Variants in PFN2 observed in about 807,000 individuals in gnomAD.
PFN2 encodes profilin 2, also known as profilin-2.
In PFN2, 8 loss-of-function variants were observed where a neutral mutation model predicts 15.3. The observed-to-expected ratio is 0.52, with a 90% CI of 0.31 to 0.95. PFN2 has a LOEUF of 0.95. Ranked by LOEUF, PFN2 falls within the 40% of genes least tolerant of loss-of-function variation. PFN2 has a pLI of 0.05. For synonymous variants in PFN2, 79 were observed against 67.9 expected, an observed-to-expected ratio of 1.16 and a Z score of -0.81; for missense variants, 111 against 182.3, an observed-to-expected ratio of 0.61 and a Z score of 2.25.
At chr3:149,969,126 T>C (rs1417979192) in intron 1 of PFN2, among the ~76,000 whole-genome samples, 1 of 152,192 alleles carries the variant, frequency 6.6e-6, no homozygotes, top group Non-Finnish European at 1.5e-5. Flanking sequence ...AAATTCATAT[T>C]TCCCTCCTAT....
rs988542063 is a variant in PFN2 at position 149,965,794 on chromosome 3, G to A, written c.*695C>T. ...ATGCGCTACAAAAGGAAGACTAAAT[G>A]AGCCAAGTAAATGCTCAAAGTGCTG... is the stretch of plus-strand genomic sequence containing the variant. On this transcript the variant is annotated 3_prime_UTR_variant, in exon 3 of 3. Coordinates refer to ENST00000239940, the MANE Select transcript of PFN2 (RefSeq NM_053024.4). The A allele has an allele frequency of 6.6e-6, 7 of 1,062,526 alleles. No homozygotes were observed. The highest frequency in any genetic ancestry group is 6.8e-6 in the Non-Finnish European group (6 of 879,212). 65.8% of individuals were successfully genotyped at this position (1,062,526 alleles called of 1,614,324 possible).
chr3:149,968,088 A>C (rs1367172143), intron 2 of PFN2: 1 of 348,098 alleles, frequency 2.9e-6, no homozygotes, highest in African/African-American at 2.1e-5. Flanking sequence ...TGACATGTCA[A>C]GCAGTTTAAG....
intron 2 of PFN2, among the ~76,000 whole-genome samples, chr3:149,967,338 G>A (rs1361720872): frequency 6.6e-6 from 1 of 152,100 alleles, no homozygotes; most frequent in Non-Finnish European, 1.5e-5. Flanking sequence ...TGTGTTTGAC[G>A]CTTCTTTTCA....
Position 149,970,864 on chromosome 3 carries a change from C to A in PFN2, c.-8G>T. 1 of 1,440,982 alleles carries A rather than the reference C, an allele frequency of 6.9e-7. No individual in the cohort carries two copies. Among genetic ancestry groups the A allele is most frequent in the Admixed American group, 2.4e-5 (1 of 41,350 alleles). The allele number at this position is 1,440,982 out of a possible 1,614,324, so 89.3% of individuals were successfully genotyped here. A position where few individuals can be genotyped will look rare whatever the true frequency, so the allele number is the denominator to read the frequency against. ...GCTCTGCCAACCGGCCATCTTCGAG[C>A]CCTTCGCACTGCAGCGCGGACGGCG... On this transcript the variant is annotated 5_prime_UTR_variant, in exon 1 of 3. Transcript: ENST00000239940.
Position 149,967,697 on chromosome 3 carries a change from G to A in PFN2, c.325+661C>T, listed in dbSNP as rs539839661. On this transcript the variant is annotated intron_variant, in intron 2 of 2. Transcript: ENST00000239940. ...CAAAAGTTTATTTTGAAAAAGTAGG[G>A]AGACTTCTTTAGTGCAATTAAGAGT... Among the ~76,000 whole-genome samples the A allele has an allele frequency of 3.9e-5, 6 of 152,280 alleles. No homozygotes were observed. In the East Asian group the frequency reaches 9.6e-4, roughly 24 times the overall value.
intron 2 of PFN2, among the ~76,000 whole-genome samples, chr3:149,967,550 T>C (rs1030729596): frequency 1.3e-5 from 2 of 152,238 alleles, no homozygotes; most frequent in African/African-American, 2.4e-5. Flanking sequence ...TTATTAAAAT[T>C]AGATGTGCCA....
At position 149,965,961 on chromosome 3, in the gene PFN2, A is replaced by C. The variant is rs1395968898; in HGVS notation, c.*528T>G. On this transcript the variant is annotated 3_prime_UTR_variant, in exon 3 of 3. Transcript: ENST00000239940. ...CCCCCCAATTTCAAGGTATCATGCA[A>C]ATCATTATTGTGCTGCAATTATGTT... The C allele has an allele frequency of 7.3e-7, 1 of 1,363,852 alleles. No homozygotes were observed. Among genetic ancestry groups the C allele is most frequent in the Admixed American group, 3.5e-5 (1 of 28,438 alleles). 84.5% of individuals were successfully genotyped at this position (1,363,852 alleles called of 1,614,324 possible).
At chr3:149,968,057 AAAC>A in intron 2 of PFN2, 1 of 274,366 alleles carries the variant, frequency 3.6e-6, no homozygotes, top group Non-Finnish European at 6.8e-6. Context: ...TAACAATCTG[AAAC>A]ACCACAGGAT....
chr3:149,968,242 C>G, intron 2 of PFN2, 116 bp downstream of exon 2: 2 of 901,612 alleles, frequency 2.2e-6, no homozygotes, highest in Non-Finnish European at 3.5e-6. Flanking sequence ...CTGGGCAGTT[C>G]ACAAAAACCA....
intron 1 of PFN2, among the ~76,000 whole-genome samples, chr3:149,969,442 CG>C (rs1448871638): frequency 1.3e-5 from 2 of 152,164 alleles, no homozygotes; most frequent in Non-Finnish European, 2.9e-5. Context: ...AGTCAGACAG[CG>C]GGAACTCACA....
chr3:149,968,351 TACTC>T lies in PFN2; in HGVS notation c.325+3_325+6del, dbSNP rs759100877. ...TGCAACTTTAACCAAAAGAATGCCTTACTCACCTCTACCAGCTCTGCCGACAGCC... is the reference window on the plus strand; with the variant it reads ...TGCAACTTTAACCAAAAGAATGCCTTACCTCTACCAGCTCTGCCGACAGCC... On this transcript the variant is annotated splice_donor_5th_base_variant and intron_variant, in intron 2 of 2. Coordinates refer to ENST00000239940, the MANE Select transcript of PFN2 (RefSeq NM_053024.4). 1 of 1,612,290 alleles carries T rather than the reference TACTC, an allele frequency of 6.2e-7. No homozygotes were observed. The highest frequency in any genetic ancestry group is 8.5e-7 in the Non-Finnish European group (1 of 1,178,788).
chr3:149,966,662 C>A, intron 2 of PFN2, 76 bp from the exon 3 acceptor site: 2 of 1,081,272 alleles, frequency 1.8e-6, no homozygotes, highest in Non-Finnish European at 1.4e-6. Flanking sequence ...CAGACAGAAC[C>A]CGGATTAATA....
chr3:149,965,195 C>G lies in PFN2; in HGVS notation c.*1294G>C. On this transcript the variant is annotated 3_prime_UTR_variant, in exon 3 of 3. Coordinates refer to ENST00000239940, the MANE Select transcript of PFN2 (RefSeq NM_053024.4). ...TCACAATAGCAACAGTTCATTTTAA[C>G]AATAGTATGGCACAGAATACATATG... is the stretch of plus-strand genomic sequence containing the variant. 6.6e-7 allele frequency: 1 copy of G among 1,509,120 alleles called. No homozygotes were observed. Among genetic ancestry groups the G allele is most frequent in the Middle Eastern group, 1.7e-4 (1 of 5,802 alleles). The allele number at this position is 1,509,120 out of a possible 1,614,324, so 93.5% of individuals were successfully genotyped here.
intron 1 of PFN2, 83 bp downstream of exon 1, chr3:149,970,642 C>A (rs1009762974): frequency 2.9e-6 from 4 of 1,368,560 alleles, no homozygotes; most frequent in African/African-American, 3.0e-5. Context: ...CCTCAGTGTT[C>A]CAGCCCCGCG....
At position 149,965,250 on chromosome 3, in the gene PFN2, C is replaced by A. The variant is rs1559985082; in HGVS notation, c.*1239G>T. On this transcript the variant is annotated 3_prime_UTR_variant, in exon 3 of 3. Transcript: ENST00000239940. ...AAATTCATCACAAGACAGCCAAGTC[C>A]ACAATAATGCAACTTCATATAAAAA... 2 of 1,534,658 alleles carry A rather than the reference C, an allele frequency of 1.3e-6. No individual in the cohort carries two copies. Among genetic ancestry groups the A allele is most frequent in the Non-Finnish European group, 1.7e-6 (2 of 1,146,380 alleles).
At position 149,968,559 on chromosome 3, in the gene PFN2, CACCA is replaced by C; in HGVS notation, c.133-13_133-10del. 6.8e-7 allele frequency: 1 copy of C among 1,478,042 alleles called. No individual in the cohort carries two copies. Among genetic ancestry groups the C allele is most frequent in the Non-Finnish European group, 8.9e-7 (1 of 1,125,452 alleles). The allele number at this position is 1,478,042 out of a possible 1,614,324, so 91.6% of individuals were successfully genotyped here. ...ATATCTATTTCTATTGGCTGCCCCC[CACCA>C]AAAAGAAAAAAAAAAAACACACACA... is the stretch of plus-strand genomic sequence containing the variant. On this transcript the variant is annotated splice_polypyrimidine_tract_variant and intron_variant, in intron 1 of 2. Transcript: ENST00000239940.
rs752203365 is a variant in PFN2, at chr3:149,968,555, C to T, written c.133-5G>A. 6.6e-7 allele frequency: 1 copy of T among 1,511,730 alleles called. No individual in the cohort carries two copies. The highest frequency in any genetic ancestry group is 8.8e-7 in the Non-Finnish European group (1 of 1,141,780). 93.6% of individuals were successfully genotyped at this position (1,511,730 alleles called of 1,614,324 possible). ...AATCATATCTATTTCTATTGGCTGC[C>T]CCCCACCAAAAAGAAAAAAAAAAAA... On this transcript the variant is annotated splice_polypyrimidine_tract_variant and splice_region_variant and intron_variant, in intron 1 of 2. Coordinates refer to ENST00000239940, the MANE Select transcript of PFN2 (RefSeq NM_053024.4).
intron 2 of PFN2, 90 bp from the exon 3 acceptor site, chr3:149,966,676 T>A: frequency 1.0e-6 from 1 of 963,156 alleles, no homozygotes; most frequent in Non-Finnish European, 1.6e-6. Context: ...ATTAATAAGT[T>A]AACATTAAGT....
At chr3:149,970,563 C>A in intron 1 of PFN2, 162 bp downstream of exon 1, 1 of 619,064 alleles carries the variant, frequency 1.6e-6, no homozygotes, top group African/African-American at 1.9e-5. Flanking sequence ...GTCCCCGGGC[C>A]TCGGCCTCCC....
Sources: allele counts gnomAD v4.1 joint callset (sites outside exome capture counted in the v4.1 genomes callset), GRCh38; gene constraint gnomAD v4.1.1; transcripts MANE v1.5; gene names NCBI Gene and HGNC (gene_info 2026-07-23, HGNC 2026-07-21).